Variants in ZRANB3 observed in about 807,000 individuals in gnomAD.
ZRANB3 encodes zinc finger RANBP2-type containing 3, also known as DNA annealing helicase and endonuclease ZRANB3.
Under a neutral mutation model 133.8 loss-of-function variants are expected in ZRANB3, and 125 were observed. The ratio of observed to expected loss-of-function variants is 0.93; its 90% CI spans 0.81 to 1.08. The LOEUF (loss-of-function observed/expected upper bound fraction) is 1.08, where lower values mean the gene tolerates loss of function less well. Among genes scored for constraint, ZRANB3 ranks in the 50% least tolerant of loss-of-function variants. The pLI is 0.00. For missense variants in ZRANB3, 1,229 were observed against 1,275.5 expected (o/e 0.96, Z 0.56); for synonymous variants, 387 against 432.7 (o/e 0.89, Z 1.31).
At chr2:135,380,369 A>C (rs1186967211) in intron 3 of ZRANB3, among the ~76,000 whole-genome samples, 1 of 152,220 alleles carries the variant, frequency 6.6e-6, no homozygotes, top group Admixed American at 6.5e-5. Context: ...CATTCTTCTC[A>C]GCATCACATC....
rs532183507 is a variant in ZRANB3 at position 135,528,251 on chromosome 2, C to T, written c.-8+2876G>A. 1.9e-4 allele frequency among the ~76,000 whole-genome samples: 29 copies of T among 151,940 alleles called. 1 individual carries two copies. In the South Asian group the frequency reaches 5.6e-3, roughly 29 times the overall value. On this transcript the variant is annotated intron_variant, in intron 1 of 20. Transcript: ENST00000264159. ...GCAGCTTTGACCTCCTGGGCCCCAG[C>T]GATTCCCTCACCTCAGCCTCCTGTG...
chr2:135,446,979 CTGTT>C (rs1450411617), intron 2 of ZRANB3, among the ~76,000 whole-genome samples: 1 of 151,860 alleles, frequency 6.6e-6, no homozygotes, highest in Non-Finnish European at 1.5e-5. Context: ...TTGGGTTGTT[CTGTT>C]TAATTTTCTT....
intron 8 of ZRANB3, among the ~76,000 whole-genome samples, chr2:135,303,745 G>A (rs934704254): frequency 9.2e-5 from 14 of 152,168 alleles, no homozygotes; most frequent in African/African-American, 2.6e-4. Flanking sequence ...CAGAGAACTG[G>A]CATCTTAACA....
intron 1 of ZRANB3, among the ~76,000 whole-genome samples, chr2:135,510,225 A>C (rs1274390797): frequency 6.6e-6 from 1 of 152,190 alleles, no homozygotes; most frequent in African/African-American, 2.4e-5. Flanking sequence ...TCCTTTGGGG[A>C]AATGGCTGTT....
chr2:135,252,254 T>C (rs1289917604), intron 12 of ZRANB3, among the ~76,000 whole-genome samples: 1 of 152,148 alleles, frequency 6.6e-6, no homozygotes, highest in Admixed American at 6.6e-5. Context: ...CTGGGCTTAA[T>C]ACCTGGGTGA....
chr2:135,269,181 C>T, intron 10 of ZRANB3, 40 bp from the exon 11 acceptor site: 1 of 1,499,498 alleles, frequency 6.7e-7, no homozygotes, highest in Non-Finnish European at 9.0e-7. Flanking sequence ...ATGTAACATA[C>T]AGCCAATATA....
intron 3 of ZRANB3, among the ~76,000 whole-genome samples, chr2:135,356,165 A>T (rs192791433): frequency 1.0e-3 from 152 of 146,598 alleles, no homozygotes; most frequent in African/African-American, 3.4e-3. Flanking sequence ...AGGTAGAATT[A>T]AAAAAAAAAA....
chr2:135,221,683 A>T (rs1185709245), intron 15 of ZRANB3, among the ~76,000 whole-genome samples: 1 of 152,246 alleles, frequency 6.6e-6, no homozygotes, highest in East Asian at 1.9e-4. Flanking sequence ...GGCATGGCCT[A>T]AAGATCCCCC....
At chr2:135,458,618 T>C (rs2105013709) in intron 2 of ZRANB3, among the ~76,000 whole-genome samples, 1 of 152,222 alleles carries the variant, frequency 6.6e-6, no homozygotes, top group Non-Finnish European at 1.5e-5. Context: ...AAAATCATTC[T>C]AGGAATAAAA....
intron 12 of ZRANB3, among the ~76,000 whole-genome samples, chr2:135,237,818 C>A (rs2105078367): frequency 6.6e-6 from 1 of 152,148 alleles, no homozygotes; most frequent in East Asian, 1.9e-4. Context: ...GGAGGGATAG[C>A]ATTAGGAGAT....
intron 12 of ZRANB3, among the ~76,000 whole-genome samples, chr2:135,231,802 C>CA (rs925083587): frequency 1.3e-5 from 2 of 151,554 alleles, no homozygotes; most frequent in East Asian, 1.9e-4. Flanking sequence ...AAAACACACA[C>CA]AAAAAAACGG....
intron 12 of ZRANB3, among the ~76,000 whole-genome samples, chr2:135,258,018 G>A (rs1679748353): frequency 6.6e-6 from 1 of 152,154 alleles, no homozygotes; most frequent in African/African-American, 2.4e-5. Flanking sequence ...GCCTGGAGTG[G>A]TAGCTCATGC....
intron 8 of ZRANB3, among the ~76,000 whole-genome samples, chr2:135,298,711 TCTGCTGAAGATAGTAGGGCAGTGAA>T (rs1447420903): frequency 6.6e-6 from 1 of 152,194 alleles, no homozygotes; most frequent in African/African-American, 2.4e-5. Flanking sequence ...TATCACCAGC[TCTGCTGAAGATAGTAGGGCAGTGAA>T]ATGGACTCTG....
chr2:135,488,214 G>T (rs1489489395), intron 2 of ZRANB3, among the ~76,000 whole-genome samples: 1 of 152,048 alleles, frequency 6.6e-6, no homozygotes, highest in Non-Finnish European at 1.5e-5. Context: ...ATATGAATTG[G>T]TATCATTCAT....
At chr2:135,308,988 T>C (rs1234727478) in intron 8 of ZRANB3, among the ~76,000 whole-genome samples, 1 of 151,310 alleles carries the variant, frequency 6.6e-6, no homozygotes. Flanking sequence ...ATCATTTTTT[T>C]TTTTTTTTTT....
chr2:135,321,112 G>A (rs1683503597), intron 6 of ZRANB3, among the ~76,000 whole-genome samples: 1 of 152,182 alleles, frequency 6.6e-6, no homozygotes, highest in Non-Finnish European at 1.5e-5. Flanking sequence ...ATAAACAGCT[G>A]CATACAGATT....
intron 6 of ZRANB3, among the ~76,000 whole-genome samples, chr2:135,320,039 T>C (rs574795709): frequency 2.6e-5 from 4 of 152,102 alleles, no homozygotes; most frequent in South Asian, 2.1e-4. Flanking sequence ...TTCTTTTTTT[T>C]CCCCCCAAGA....
At chr2:135,203,595 G>A (rs934144760) in intron 19 of ZRANB3, among the ~76,000 whole-genome samples, 2 of 147,404 alleles carry the variant, frequency 1.4e-5, no homozygotes, top group African/African-American at 5.1e-5. Context: ...CTCCAGCCTG[G>A]GTGACAGACT....
intron 2 of ZRANB3, among the ~76,000 whole-genome samples, chr2:135,442,940 C>A (rs1415416643): frequency 6.6e-6 from 1 of 151,876 alleles, no homozygotes; most frequent in African/African-American, 2.4e-5. Flanking sequence ...CATGGTGAAA[C>A]CCCATCTCTA....
Sources: allele counts gnomAD v4.1 joint callset (sites outside exome capture counted in the v4.1 genomes callset), GRCh38; gene constraint gnomAD v4.1.1; transcripts MANE v1.5; gene names NCBI Gene and HGNC (gene_info 2026-07-23, HGNC 2026-07-21).